The following CFAP65 variants were observed in gnomAD, a reference collection of about 807,000 sequenced individuals.
The protein encoded by CFAP65 is cilia and flagella associated protein 65.
A neutral mutation model predicts 208.0 loss-of-function variants in CFAP65; 155 were observed. The observed-to-expected ratio is 0.75, with a 90% confidence interval of 0.65 to 0.85. The LOEUF (loss-of-function observed/expected upper bound fraction) is 0.85. Ranked by LOEUF, CFAP65 falls within the 40% of genes least tolerant of loss-of-function variation. The pLI, the probability that CFAP65 is intolerant of heterozygous loss-of-function variation, is 0.00. For synonymous variants in CFAP65, 970 were observed against 986.3 expected (o/e 0.98, Z 0.31); for missense variants, 2,294 against 2,451.3 (o/e 0.94, Z 1.36).
At position 219,009,168 on chromosome 2, in the gene CFAP65, CAG is replaced by C. The variant is rs751595949; in HGVS notation, c.4567-16_4567-15del. 1.4e-5 allele frequency: 23 copies of C among 1,608,618 alleles called. No homozygotes were observed. The highest frequency in any genetic ancestry group is 1.7e-5 in the Admixed American group (1 of 59,922). ...CTGCGAGTACAGCTATGGCCCAGGACAGAGAGAGAGAAGGCCAAGGTCTGGAG... is the reference window on the plus strand; with the variant it reads ...CTGCGAGTACAGCTATGGCCCAGGACAGAGAGAGAAGGCCAAGGTCTGGAG... On this transcript the variant is annotated splice_polypyrimidine_tract_variant and intron_variant, in intron 28 of 34. Coordinates refer to ENST00000341552, the MANE Select transcript of CFAP65 (RefSeq NM_194302.4).
At chr2:219,027,480 A>G (rs771030691) in intron 13 of CFAP65, 170 bp downstream of exon 13, 3 of 1,571,824 alleles carry the variant, frequency 1.9e-6, no homozygotes, top group African/African-American at 2.7e-5. Context: ...GAGCTAGGCC[A>G]GGAGCTTTGG....
rs1947687614 is a variant in CFAP65, at chr2:219,027,190, A to G, written c.2211+460T>C. 9.7e-6 allele frequency: 12 copies of G among 1,242,012 alleles called. No homozygotes were observed. The Admixed American group carries it at 4.3e-4, about 44-fold the overall frequency. The allele number at this position is 1,242,012 out of a possible 1,614,324, so 76.9% of individuals were successfully genotyped here. A position where few individuals can be genotyped will look rare whatever the true frequency, so the allele number is the denominator to read the frequency against. ...AGGGCTGGGGACAGCCGGCACTCGGAGTTCCCGACCCAGGGAAGCTGAGTC... is the reference window on the plus strand; with the variant it reads ...AGGGCTGGGGACAGCCGGCACTCGGGGTTCCCGACCCAGGGAAGCTGAGTC... On this transcript the variant is annotated intron_variant, in intron 13 of 34. Transcript: ENST00000341552.
chr2:219,033,193 C>T (rs578182745), intron 5 of CFAP65, among the ~76,000 whole-genome samples: 1 of 152,292 alleles, frequency 6.6e-6, no homozygotes, highest in African/African-American at 2.4e-5. Context: ...TTCCACAGGC[C>T]AGGCACAGTG....
At position 219,019,089 on chromosome 2, in the gene CFAP65, G is replaced by A; in HGVS notation, c.3564C>T (p.Phe1188=). ...CCACTCCGCTGTTCTTCAGGGCCAG[G>A]AATACCACGGAAGGTGGGGCCTTGA... The part of the protein sequence containing the change: ...APFKAPPSVV[F]LALKNSGVVS... Residue 1188 remains phenylalanine (F), a synonymous_variant, in exon 21 of 35, where the codon TTC becomes TTT. Coordinates refer to ENST00000341552, the MANE Select transcript of CFAP65 (RefSeq NM_194302.4). 1 of 1,614,228 alleles carries A rather than the reference G, an allele frequency of 6.2e-7. No homozygotes were observed. The highest frequency in any genetic ancestry group is 8.5e-7 in the Non-Finnish European group (1 of 1,180,042).
rs950172913 is a variant in CFAP65 at position 219,040,531 on chromosome 2, A to G, written c.-15T>C. ...GCAAGGCTCCTACCTCCAATTGTGA[A>G]CTGGACGTTCAGATGAAATCAAAGA... On this transcript the variant is annotated 5_prime_UTR_variant, in exon 2 of 35. Transcript: ENST00000341552. The G allele has an allele frequency of 9.2e-6, 14 of 1,521,662 alleles. No homozygotes were observed. In the African/African-American group the frequency reaches 1.8e-4, roughly 20 times the overall value. The allele number at this position is 1,521,662 out of a possible 1,614,324, so 94.3% of individuals were successfully genotyped here.
At chr2:219,007,057 C>A (rs973156987) in intron 29 of CFAP65, among the ~76,000 whole-genome samples, 25 of 152,114 alleles carry the variant, frequency 1.6e-4, no homozygotes, top group Admixed American at 8.5e-4. Context: ...TGCCCTGGAG[C>A]TTTGTGGTTC....
At chr2:219,038,756 G>A in intron 3 of CFAP65, 140 bp downstream of exon 3, 1 of 1,142,342 alleles carries the variant, frequency 8.8e-7, no homozygotes, top group Non-Finnish European at 1.3e-6. Context: ...GGCTTTGCCT[G>A]GGAGCCCAGG....
rs532335855 is a variant in CFAP65 at position 219,031,413 on chromosome 2, ATGCCTGTCTCTCC to A, written c.815+63_815+75del. 1.5e-3 allele frequency: 2,416 copies of A among 1,610,574 alleles called. 53 individuals are homozygous for A. In the South Asian group the frequency reaches 0.025, roughly 17 times the overall value. ...CAGACTACCCTACCCCGACAAGGGT[ATGCCTGTCTCTCC>A]TGCTTCCAGACACCCTCCTCACAGC... On this transcript the variant is annotated intron_variant, in intron 7 of 34. Transcript: ENST00000341552. This position sits in a 1 kb window ranked among gnomAD's most constrained non-coding sequence, Gnocchi z 5.2.
chr2:219,006,874 C>T (rs1211124622), intron 29 of CFAP65, among the ~76,000 whole-genome samples: 2 of 150,746 alleles, frequency 1.3e-5, no homozygotes, highest in Non-Finnish European at 3.0e-5. Context: ...GCTAAAGAGA[C>T]TCCCCCATTT....
intron 21 of CFAP65, among the ~76,000 whole-genome samples, chr2:219,016,623 C>T (rs970791920): frequency 5.9e-5 from 9 of 152,148 alleles, no homozygotes; most frequent in Non-Finnish European, 8.8e-5. Flanking sequence ...ATTCCAACCC[C>T]TTTCCCTTCC....
intron 13 of CFAP65, 47 bp from the exon 14 acceptor site, chr2:219,026,206 C>A (rs1248507235): frequency 1.9e-6 from 3 of 1,582,376 alleles, no homozygotes; most frequent in Non-Finnish European, 2.6e-6. Context: ...CCTGTGTCTG[C>A]CCTGTGGGGC....
At position 219,006,030 on chromosome 2, in the gene CFAP65, A is replaced by C. The variant is rs892951540; in HGVS notation, c.4913T>G (p.Phe1638Cys). The change falls in exon 31 of 35, where the codon TTT becomes TGT. Residue 1638 changes from phenylalanine to cysteine, a missense_variant. Phe to Cys is a radical substitution (Grantham distance 205). Coordinates refer to ENST00000341552, the MANE Select transcript of CFAP65 (RefSeq NM_194302.4). ...CTTCCCAAGAGCTTACCGGTGCAAA[A>C]AGTGGCAGGGAAACTCTGAGAAGAA... ...ANFFSEFPCH[F>C]LHRELPKRKA... 3 of 1,613,238 alleles carry C rather than the reference A, an allele frequency of 1.9e-6. No individual in the cohort carries two copies. The highest frequency in any genetic ancestry group is 2.5e-6 in the Non-Finnish European group (3 of 1,180,002).
chr2:219,025,202 C>T (rs1422018773), intron 14 of CFAP65, among the ~76,000 whole-genome samples: 2 of 152,104 alleles, frequency 1.3e-5, no homozygotes, highest in African/African-American at 4.8e-5. Flanking sequence ...AGGCCACAAC[C>T]CACCAGGAGG....
chr2:219,021,237 G>A lies in CFAP65; in HGVS notation c.3174C>T (p.Ser1058=), dbSNP rs1318193622. 4.4e-6 allele frequency: 7 copies of A among 1,607,740 alleles called. No individual in the cohort carries two copies. The highest frequency in any genetic ancestry group is 5.1e-6 in the Non-Finnish European group (6 of 1,176,788). ...DRTEGSMPPR[S]QDTICLTACP... ...AGGCAGTCAGGCAGATGGTGTCCTG[G>A]GACCGGGGTGGCATGCTCCCCTCTG... Residue 1058 remains serine (S), a synonymous_variant, in exon 19 of 35, where the codon TCC becomes TCT. Coordinates refer to ENST00000341552, the MANE Select transcript of CFAP65 (RefSeq NM_194302.4).
intron 14 of CFAP65, among the ~76,000 whole-genome samples, 194 bp from the exon 15 acceptor site, chr2:219,024,454 C>T (rs902857110): frequency 1.7e-5 from 2 of 120,578 alleles, no homozygotes; most frequent in Non-Finnish European, 3.1e-5. Flanking sequence ...CTTTTGTTCT[C>T]CAGAGACCTC....
intron 21 of CFAP65, chr2:219,018,336 G>A (rs185047028): frequency 2.0e-4 from 30 of 152,376 alleles, no homozygotes; most frequent in African/African-American, 6.0e-4. Flanking sequence ...GAAGCAGGAT[G>A]TTTGCTGGGC....
chr2:219,019,742 C>A (rs73090806), intron 19 of CFAP65, 23 bp from the exon 20 acceptor site: 253 of 1,605,070 alleles, frequency 1.6e-4, no homozygotes, highest in Non-Finnish European at 2.1e-4. Flanking sequence ...GTGAGGAAGA[C>A]AGAAGTGGGC....
Position 219,032,216 on chromosome 2 carries a change from C to T in CFAP65, c.645+254G>A, listed in dbSNP as rs923518271. On this transcript the variant is annotated intron_variant, in intron 6 of 34. Coordinates refer to ENST00000341552, the MANE Select transcript of CFAP65 (RefSeq NM_194302.4). This position sits in a 1 kb window ranked among gnomAD's most constrained non-coding sequence, Gnocchi z 5.5. ...GATTCCAGAAGTCAGTCACCGTCCC[C>T]GGCCACGGAATGTAGGACTTTCTGA... Among the ~76,000 whole-genome samples the T allele has an allele frequency of 9.9e-5, 15 of 152,246 alleles. No homozygotes were observed. The highest frequency in any genetic ancestry group is 8.5e-4 in the Admixed American group (13 of 15,290).
intron 2 of CFAP65, among the ~76,000 whole-genome samples, chr2:219,040,148 AC>A (rs1948583802): frequency 6.6e-6 from 1 of 152,068 alleles, no homozygotes; most frequent in Non-Finnish European, 1.5e-5. Flanking sequence ...ATTCTCCCTT[AC>A]AGGTATTTTA....
Sources: allele counts gnomAD v4.1 joint callset (sites outside exome capture counted in the v4.1 genomes callset), GRCh38; gene constraint gnomAD v4.1.1; non-coding constraint Gnocchi (gnomAD v3.1); transcripts MANE v1.5; gene names NCBI Gene and HGNC (gene_info 2026-07-23, HGNC 2026-07-21).